CMIP: variants seen among roughly 807,000 people sequenced by gnomAD.
CMIP encodes the protein c-Maf inducing protein.
In CMIP, 13 loss-of-function variants were observed where a neutral mutation model predicts 97.3. The ratio of observed to expected loss-of-function variants is 0.13; its 90% CI spans 0.09 to 0.21. CMIP has a LOEUF of 0.21. Among genes scored for constraint, CMIP ranks in the 10% least tolerant of loss-of-function variants. The probability of loss-of-function intolerance (pLI) is 1.00; values close to 1 mark genes in which losing one functional copy is unlikely to be tolerated. For synonymous variants in CMIP, 538 were observed against 436.3 expected, an observed-to-expected ratio of 1.23 and a Z score of -2.91; for missense variants, 847 against 1,024.9, an observed-to-expected ratio of 0.83 and a Z score of 2.37.
At chr16:81,485,271 C>T (rs113934249) in intron 1 of CMIP, among the ~76,000 whole-genome samples, 106 of 152,334 alleles carry the variant, frequency 7.0e-4, no homozygotes, top group African/African-American at 2.4e-3. Context: ...CTTGTGAGCT[C>T]ATATCTGTCA....
At chr16:81,656,095 A>C (rs2092478211) in intron 4 of CMIP, among the ~76,000 whole-genome samples, 1 of 152,226 alleles carries the variant, frequency 6.6e-6, no homozygotes, top group Admixed American at 6.5e-5. Flanking sequence ...ACATCCTTTC[A>C]CATGCCTGCA....
At chr16:81,559,391 C>G (rs1391329103) in intron 1 of CMIP, among the ~76,000 whole-genome samples, 2 of 152,202 alleles carry the variant, frequency 1.3e-5, no homozygotes, top group Non-Finnish European at 2.9e-5. Flanking sequence ...GTTTCTGGAG[C>G]TGTTCTAGGT....
rs1905746969 is a variant in CMIP at position 81,445,155 on chromosome 16, C to T, written c.-87C>T. Reference sequence around the variant, plus strand: ...CACCTTCCCGGGGGGTGGGGGGGTGCGGGCCGCCGGATCCGGGGGCCCCGC... The same window carrying T: ...CACCTTCCCGGGGGGTGGGGGGGTGTGGGCCGCCGGATCCGGGGGCCCCGC... On this transcript the variant is annotated 5_prime_UTR_variant, in exon 1 of 21. Transcript: ENST00000537098. 7 of 763,512 alleles carry T rather than the reference C, an allele frequency of 9.2e-6. No homozygotes were observed. Among genetic ancestry groups the T allele is most frequent in the African/African-American group, 1.9e-5 (1 of 52,552 alleles). 47.3% of individuals were successfully genotyped at this position (763,512 alleles called of 1,614,324 possible).
At chr16:81,561,390 G>C (rs2090880646) in intron 1 of CMIP, among the ~76,000 whole-genome samples, 2 of 152,236 alleles carry the variant, frequency 1.3e-5, no homozygotes, top group African/African-American at 2.4e-5. Flanking sequence ...TGTGAATCAA[G>C]GGACCCAGCT....
At chr16:81,646,790 G>A (rs1464020374) in intron 3 of CMIP, among the ~76,000 whole-genome samples, 1 of 152,190 alleles carries the variant, frequency 6.6e-6, no homozygotes, top group Non-Finnish European at 1.5e-5. Context: ...CATCCGTCTT[G>A]TAGCATGTGG....
At chr16:81,468,963 A>T (rs1907367526) in intron 1 of CMIP, among the ~76,000 whole-genome samples, 1 of 152,188 alleles carries the variant, frequency 6.6e-6, no homozygotes, top group Non-Finnish European at 1.5e-5. Context: ...GGACTTCAAC[A>T]TGGAAGCCGA....
intron 10 of CMIP, among the ~76,000 whole-genome samples, chr16:81,681,253 C>G (rs1242522836): frequency 1.3e-5 from 2 of 152,244 alleles, no homozygotes; most frequent in African/African-American, 4.8e-5. Flanking sequence ...ACTTTCCTCC[C>G]CACACCCAGC....
At chr16:81,692,238 C>T (rs1036661821) in intron 11 of CMIP, among the ~76,000 whole-genome samples, 19 of 152,212 alleles carry the variant, frequency 1.2e-4, no homozygotes, top group African/African-American at 7.2e-5. Context: ...AAAGATAATG[C>T]GCGTAGCATT....
intron 1 of CMIP, chr16:81,495,502 C>T (rs916291051): frequency 6.2e-7 from 1 of 1,612,692 alleles, no homozygotes; most frequent in African/African-American, 1.3e-5. Context: ...GAGGTACAGT[C>T]CCATGTGGGG....
At chr16:81,485,335 G>A (rs540291295) in intron 1 of CMIP, among the ~76,000 whole-genome samples, 3 of 152,300 alleles carry the variant, frequency 2.0e-5, no homozygotes, top group East Asian at 3.9e-4. Context: ...TGGGTGTGTT[G>A]TCTAGCTCAC....
chr16:81,542,531 C>G (rs1479535140), intron 1 of CMIP, among the ~76,000 whole-genome samples: 2 of 152,102 alleles, frequency 1.3e-5, no homozygotes, highest in Non-Finnish European at 2.9e-5. Flanking sequence ...ATCTGAGGGT[C>G]GTATTCTCCA....
intron 1 of CMIP, among the ~76,000 whole-genome samples, chr16:81,458,638 G>T (rs1906708559): frequency 6.6e-6 from 1 of 152,190 alleles, no homozygotes; most frequent in Non-Finnish European, 1.5e-5. Flanking sequence ...TTGCAGGGAG[G>T]TGGAGGCGTT....
chr16:81,662,136 A>G (rs575590288), intron 6 of CMIP, among the ~76,000 whole-genome samples: 1 of 150,134 alleles, frequency 6.7e-6, no homozygotes, highest in East Asian at 1.9e-4. Context: ...TCCTGAGAGA[A>G]CGGCCAGCTG....
intron 1 of CMIP, among the ~76,000 whole-genome samples, chr16:81,526,264 C>T (rs142382789): frequency 6.6e-6 from 1 of 152,294 alleles, no homozygotes; most frequent in East Asian, 1.9e-4. Flanking sequence ...TTCAAGTGAT[C>T]TGTGAACTTG....
intron 1 of CMIP, among the ~76,000 whole-genome samples, chr16:81,598,012 GGACTGGA>G (rs1388601210): frequency 6.6e-6 from 1 of 151,946 alleles, no homozygotes. Flanking sequence ...TCCAGGGAGG[GGACTGGA>G]GGATCAGGAC....
rs1466680444 is a variant in CMIP at position 81,635,219 on chromosome 16, T to C, written c.477+14293T>C. Among the ~76,000 whole-genome samples, 3 of 151,776 alleles carry C rather than the reference T, an allele frequency of 2.0e-5. No individual in the cohort carries two copies. In the East Asian group the frequency reaches 5.8e-4, roughly 29 times the overall value. On this transcript the variant is annotated intron_variant, in intron 3 of 20. Coordinates refer to ENST00000537098, the MANE Select transcript of CMIP (RefSeq NM_198390.3). ...TTCCCCACCCCCACCCCGTAGTCTT[T>C]AATGTTGAGTGCAAATTGCTTTTTC...
In CMIP at chr16:81,652,375, TC is replaced by T. The variant is rs745476786; in HGVS notation, c.639+15del. The T allele has an allele frequency of 1.2e-6, 2 of 1,609,220 alleles. No individual in the cohort carries two copies. Among genetic ancestry groups the T allele is most frequent in the East Asian group, 2.2e-5 (1 of 44,834 alleles). On this transcript the variant is annotated intron_variant, in intron 4 of 20. Transcript: ENST00000537098. The surrounding 1 kb of genome is among the most constrained non-coding windows in gnomAD (Gnocchi z 5.2). ...AAACTGCTCTCAGAGGTAAAACCCC[TC>T]CCCTGGACCCCTTTACATTGTTTGC...
chr16:81,607,464 C>A, intron 1 of CMIP, 103 bp from the exon 2 acceptor site: 1 of 1,446,374 alleles, frequency 6.9e-7, no homozygotes, highest in Non-Finnish European at 9.4e-7. Context: ...GCTCCATTTG[C>A]CTGTCGCCAG....
At chr16:81,476,125 C>G (rs1398508779) in intron 1 of CMIP, 1 of 939,780 alleles carries the variant, frequency 1.1e-6, no homozygotes, top group Non-Finnish European at 1.7e-6. Flanking sequence ...CGTCTTCTTT[C>G]ACCTTGCCGG....
Sources: gnomAD v4.1 joint callset for allele counts (sites outside exome capture counted in the v4.1 genomes callset) on GRCh38, gnomAD v4.1.1 for gene constraint, Gnocchi (gnomAD v3.1) non-coding constraint, MANE v1.5 for transcripts, NCBI Gene and HGNC (gene_info 2026-07-23, HGNC 2026-07-21) for gene names.